PLCE1: variants seen among roughly 807,000 people sequenced by gnomAD.
PLCE1 encodes 1-phosphatidylinositol 4,5-bisphosphate phosphodiesterase epsilon-1.
A neutral mutation model predicts 242.8 loss-of-function variants in PLCE1; 119 were observed. That is an observed-to-expected ratio of 0.49 (90% confidence interval 0.42 to 0.57). PLCE1 has a LOEUF of 0.57. Among genes scored for constraint, PLCE1 ranks in the 20% least tolerant of loss-of-function variants. The pLI is 0.00. For missense variants in PLCE1, 2,441 were observed against 2,788.8 expected (o/e 0.88, Z 2.81); for synonymous variants, 945 against 1,017.4 (o/e 0.93, Z 1.35).
chr10:94,249,648 G>A (rs2137574977), intron 8 of PLCE1, among the ~76,000 whole-genome samples: 1 of 152,198 alleles, frequency 6.6e-6, no homozygotes, highest in South Asian at 2.1e-4. Context: ...TACTACTGAT[G>A]GAAGTAGTAA....
intron 4 of PLCE1, among the ~76,000 whole-genome samples, chr10:94,223,823 T>G (rs891852958): frequency 1.3e-5 from 2 of 152,164 alleles, no homozygotes; most frequent in African/African-American, 4.8e-5. Context: ...CCATAGTACT[T>G]TATATTTATA....
chr10:94,166,482 C>T (rs2136273618), intron 3 of PLCE1, among the ~76,000 whole-genome samples: 1 of 152,174 alleles, frequency 6.6e-6, no homozygotes, highest in Non-Finnish European at 1.5e-5. Flanking sequence ...GAAGGTTGCT[C>T]AGCTGGCTTG....
chr10:94,214,093 C>T (rs1305597454), intron 4 of PLCE1, among the ~76,000 whole-genome samples: 1 of 152,168 alleles, frequency 6.6e-6, no homozygotes, highest in Non-Finnish European at 1.5e-5. Flanking sequence ...GGCTCCACAT[C>T]CTGTGTTTTT....
intron 4 of PLCE1, among the ~76,000 whole-genome samples, chr10:94,190,173 A>G (rs940084570): frequency 1.3e-5 from 2 of 152,178 alleles, no homozygotes; most frequent in African/African-American, 2.4e-5. Flanking sequence ...CCAGCTACTC[A>G]GGAGGCTGAG....
At chr10:94,318,954 A>G (rs1301825434) in intron 29 of PLCE1, among the ~76,000 whole-genome samples, 5 of 152,328 alleles carry the variant, frequency 3.3e-5, no homozygotes, top group African/African-American at 4.8e-5. Context: ...AAGCTGAGGC[A>G]GGAGAATCAC....
At chr10:94,087,580 G>C (rs1276558733) in intron 2 of PLCE1, among the ~76,000 whole-genome samples, 1 of 151,810 alleles carries the variant, frequency 6.6e-6, no homozygotes, top group Non-Finnish European at 1.5e-5. Flanking sequence ...GAGACTACAG[G>C]CGCACACCAC....
chr10:94,050,156 C>T (rs1158591953), intron 2 of PLCE1, among the ~76,000 whole-genome samples: 1 of 152,120 alleles, frequency 6.6e-6, no homozygotes, highest in Non-Finnish European at 1.5e-5. Flanking sequence ...CATTTTCACA[C>T]TGCTATAAAT....
At position 94,306,947 on chromosome 10, in the gene PLCE1, A is replaced by G. The variant is rs1487888166; in HGVS notation, c.5884+259A>G. Among the ~76,000 whole-genome samples, 1 of 152,218 alleles carries G rather than the reference A, an allele frequency of 6.6e-6. No individual in the cohort carries two copies. Among genetic ancestry groups the G allele is most frequent in the African/African-American group, 2.4e-5 (1 of 41,458 alleles). On this transcript the variant is annotated intron_variant, in intron 26 of 32. Transcript: ENST00000371380. This position sits in a 1 kb window ranked among gnomAD's most constrained non-coding sequence, Gnocchi z 5.7. Reference sequence around the variant, plus strand: ...ACCCATGCTTGCTGATGTCAGGAGCAGTGGTTGTTGCTACCCACGGCACTG... The same window carrying G: ...ACCCATGCTTGCTGATGTCAGGAGCGGTGGTTGTTGCTACCCACGGCACTG...
rs139247287 is a variant in PLCE1 at position 94,246,923 on chromosome 10, C to A, written c.3096+302C>A. Among the ~76,000 whole-genome samples, 289 of 152,148 alleles carry A rather than the reference C, an allele frequency of 1.9e-3. 4 individuals carry two copies. In the East Asian group the frequency reaches 0.028, roughly 15 times the overall value. On this transcript the variant is annotated intron_variant, in intron 8 of 32. Transcript: ENST00000371380. ...GGTCAGGAGTTTGAGACCGGCCTGG[C>A]CAACATGGTGAAACCCCGTCTCTAC...
chr10:93,995,584 A>G (rs1031651589), intron 1 of PLCE1, among the ~76,000 whole-genome samples: 9 of 152,250 alleles, frequency 5.9e-5, no homozygotes, highest in African/African-American at 1.4e-4. Flanking sequence ...TTAAATCTTA[A>G]GACTTTGGTT....
chr10:94,071,815 C>A (rs1564663264), intron 2 of PLCE1, among the ~76,000 whole-genome samples: 1 of 151,990 alleles, frequency 6.6e-6, no homozygotes, highest in East Asian at 1.9e-4. Flanking sequence ...TTTCTTTCCC[C>A]CTCAGTGCTC....
intron 4 of PLCE1, among the ~76,000 whole-genome samples, chr10:94,226,094 C>T (rs2137155270): frequency 6.6e-6 from 1 of 152,292 alleles, no homozygotes; most frequent in South Asian, 2.1e-4. Context: ...AGGTGGACAC[C>T]AGCATCTAAG....
At chr10:94,321,252 T>C (rs1289263498) in intron 29 of PLCE1, among the ~76,000 whole-genome samples, 1 of 152,230 alleles carries the variant, frequency 6.6e-6, no homozygotes, top group Non-Finnish European at 1.5e-5. Context: ...TAAATACAAT[T>C]TACTGTGTTC....
chr10:94,138,366 A>G, intron 3 of PLCE1: 1 of 392,978 alleles, frequency 2.5e-6, no homozygotes, highest in South Asian at 2.2e-5. Flanking sequence ...AAATGAGGAG[A>G]GTACTTCCCA....
At chr10:94,167,320 C>T (rs2047837091) in intron 3 of PLCE1, among the ~76,000 whole-genome samples, 1 of 152,042 alleles carries the variant, frequency 6.6e-6, no homozygotes, top group Admixed American at 6.5e-5. Context: ...TTCCCACCTA[C>T]ATCCAGGAAC....
intron 3 of PLCE1, among the ~76,000 whole-genome samples, chr10:94,146,134 A>G (rs2047104137): frequency 6.6e-6 from 1 of 152,166 alleles, no homozygotes; most frequent in Admixed American, 6.5e-5. Context: ...GTGGCACATT[A>G]GGACCAATAG....
In PLCE1 at chr10:94,264,186, G is replaced by A. The variant is rs547188629; in HGVS notation, c.4053+1454G>A. On this transcript the variant is annotated intron_variant, in intron 14 of 32. Coordinates refer to ENST00000371380, the MANE Select transcript of PLCE1 (RefSeq NM_016341.4). Reference sequence around the variant, plus strand: ...TGATACAGGAGGTGGGCTGAGGAGAGTAAGCAAAGGCCACTTGGAAGAGGT... The same window carrying A: ...TGATACAGGAGGTGGGCTGAGGAGAATAAGCAAAGGCCACTTGGAAGAGGT... 6.2e-4 allele frequency among the ~76,000 whole-genome samples: 95 copies of A among 152,304 alleles called. 1 individual carries two copies. The highest frequency in any genetic ancestry group is 4.4e-4 in the Non-Finnish European group (30 of 68,022).
chr10:94,237,967 G>A (rs2050377961), intron 7 of PLCE1, among the ~76,000 whole-genome samples: 2 of 152,186 alleles, frequency 1.3e-5, no homozygotes, highest in Admixed American at 1.3e-4. Flanking sequence ...AACCAGCCCT[G>A]TGAAAACTAC....
At chr10:94,065,625 A>G in intron 2 of PLCE1, among the ~76,000 whole-genome samples, 1 of 152,148 alleles carries the variant, frequency 6.6e-6, no homozygotes. Flanking sequence ...GTTGTCCTTA[A>G]TTATCTCTGT....
Sources: gnomAD v4.1 joint callset for allele counts (sites outside exome capture counted in the v4.1 genomes callset) on GRCh38, gnomAD v4.1.1 for gene constraint, Gnocchi (gnomAD v3.1) non-coding constraint, MANE v1.5 for transcripts, NCBI Gene and HGNC (gene_info 2026-07-23, HGNC 2026-07-21) for gene names.